The following MED26 variants were observed in gnomAD, a reference collection of about 807,000 sequenced individuals.
MED26 encodes the protein mediator complex subunit 26.
Under a neutral mutation model 43.7 loss-of-function variants are expected in MED26, and 7 were observed. That is an observed-to-expected ratio of 0.16 (90% CI 0.09 to 0.30). The LOEUF (loss-of-function observed/expected upper bound fraction) is 0.30, where lower values mean the gene tolerates loss of function less well. MED26 is among the 10% of genes least tolerant of loss of function. The pLI is 1.00. For missense variants in MED26, 784 were observed against 840.6 expected (o/e 0.93, Z 0.83); for synonymous variants, 375 against 371.1 (o/e 1.01, Z -0.12).
At chr19:16,612,875 T>C (rs2086205838) in intron 1 of MED26, among the ~76,000 whole-genome samples, 1 of 152,186 alleles carries the variant, frequency 6.6e-6, no homozygotes. Context: ...TTATGCAATG[T>C]TGTCTTGTAA....
At chr19:16,593,779 T>C (rs1190555613) in intron 1 of MED26, among the ~76,000 whole-genome samples, 1 of 152,142 alleles carries the variant, frequency 6.6e-6, no homozygotes, top group Non-Finnish European at 1.5e-5. Context: ...AAGGGTGCCA[T>C]CTCTGAGTGG....
At chr19:16,609,719 C>G (rs2086191005) in intron 1 of MED26, among the ~76,000 whole-genome samples, 1 of 151,792 alleles carries the variant, frequency 6.6e-6, no homozygotes, top group Non-Finnish European at 1.5e-5. Context: ...TATTGTATTT[C>G]AACATTACAT....
At chr19:16,609,191 T>C (rs2086187485) in intron 1 of MED26, among the ~76,000 whole-genome samples, 1 of 151,506 alleles carries the variant, frequency 6.6e-6, no homozygotes, top group Non-Finnish European at 1.5e-5. Context: ...GGTGCACACC[T>C]ATAGTCGCAG....
At chr19:16,609,085 CA>C (rs1402493127) in intron 1 of MED26, among the ~76,000 whole-genome samples, 1 of 152,040 alleles carries the variant, frequency 6.6e-6, no homozygotes, top group Non-Finnish European at 1.5e-5. Flanking sequence ...GAGGCTGAGG[CA>C]GGTGGGTCAC....
At chr19:16,617,800 C>T (rs915641066) in intron 1 of MED26, among the ~76,000 whole-genome samples, 2 of 123,096 alleles carry the variant, frequency 1.6e-5, no homozygotes, top group Non-Finnish European at 3.3e-5. Flanking sequence ...CACCAACCAT[C>T]AAGGTGAGAA....
chr19:16,594,455 C>G (rs960936813), intron 1 of MED26, among the ~76,000 whole-genome samples: 3 of 152,206 alleles, frequency 2.0e-5, no homozygotes, highest in Non-Finnish European at 4.4e-5. Context: ...CGAAACCAAC[C>G]TGAGAGGCCA....
In MED26 at chr19:16,626,906, TCA is replaced by T. The variant is rs1265056857; in HGVS notation, c.72+964_72+965del. The stretch of plus-strand genomic sequence containing the variant: ...CTCTTGGAGAAAATATGAGAATAGA[TCA>T]GTCTTCCCCCCCACCCCCCCACCCC... On this transcript the variant is annotated intron_variant, in intron 1 of 2. Transcript: ENST00000263390. Among the ~76,000 whole-genome samples the T allele has an allele frequency of 1.5e-4, 22 of 150,196 alleles. 1 individual carries two copies. Among genetic ancestry groups the T allele is most frequent in the African/African-American group, 5.2e-4 (21 of 40,714 alleles).
chr19:16,576,706 T>C lies in MED26; in HGVS notation c.1124A>G (p.Asp375Gly). 1.9e-6 allele frequency: 3 copies of C among 1,613,084 alleles called. No individual in the cohort carries two copies. In the Middle Eastern group the frequency reaches 4.9e-4, roughly 266 times the overall value. Residue 375 changes from aspartate (D) to glycine (G), a missense_variant, in exon 3 of 3, where the codon GAC becomes GGC. By Grantham distance (94) the Asp-to-Gly change is moderately conservative (BLOSUM62 -1). Around this residue, in one of 3 missense-constraint regions of MED26, gnomAD observed 719 missense variants for 730.9 expected, o/e 0.98. Coordinates refer to ENST00000263390, the MANE Select transcript of MED26 (RefSeq NM_004831.5). The surrounding 1 kb of genome is among the most constrained non-coding windows in gnomAD (Gnocchi z 6.8). Reference protein sequence around the residue: ...PLLSRAGFSPDSSKADSDAAS... With the variant: ...PLLSRAGFSPGSSKADSDAAS... ...AGCATCACTGTCCGCCTTGGAGGAG[T>C]CTGGGGAAAAGCCTGCCCGGGACAG...
At chr19:16,615,457 G>T (rs2086220973) in intron 1 of MED26, among the ~76,000 whole-genome samples, 1 of 152,080 alleles carries the variant, frequency 6.6e-6, no homozygotes, top group African/African-American at 2.4e-5. Context: ...TAAAAATTTG[G>T]GGCAGCCAGG....
intron 1 of MED26, among the ~76,000 whole-genome samples, chr19:16,579,597 CCA>C (rs1476612520): frequency 6.6e-6 from 1 of 152,184 alleles, no homozygotes; most frequent in East Asian, 1.9e-4. Context: ...AGAATTCCTA[CCA>C]CTCAACCACC....
Position 16,575,764 on chromosome 19 carries a change from T to G in MED26, c.*263A>C. ...TTTTTATAGCTGGTTTGCTATAGAG[T>G]TCTGAACTCACTTTGCCGTCCTTCC... On this transcript the variant is annotated 3_prime_UTR_variant, in exon 3 of 3. Transcript: ENST00000263390. 2.0e-6 allele frequency: 1 copy of G among 501,558 alleles called. No individual in the cohort carries two copies. The highest frequency in any genetic ancestry group is 3.6e-6 in the Non-Finnish European group (1 of 276,258). 31.1% of individuals were successfully genotyped at this position (501,558 alleles called of 1,614,324 possible).
chr19:16,625,572 A>C (rs1387050378), intron 1 of MED26, among the ~76,000 whole-genome samples: 1 of 151,004 alleles, frequency 6.6e-6, no homozygotes. Flanking sequence ...CATCTTAAAT[A>C]TGTGTCAACT....
intron 1 of MED26, chr19:16,578,665 A>C: frequency 4.3e-6 from 2 of 464,632 alleles, no homozygotes; most frequent in South Asian, 3.1e-5. Context: ...TACATGGTAC[A>C]TACCCACCCA....
intron 1 of MED26, among the ~76,000 whole-genome samples, chr19:16,606,354 C>A (rs2086173256): frequency 6.6e-6 from 1 of 152,130 alleles, no homozygotes; most frequent in South Asian, 2.1e-4. Context: ...AGTTCAAGAC[C>A]AGCCTGGCCA....
intron 1 of MED26, among the ~76,000 whole-genome samples, chr19:16,608,889 T>C (rs183640549): frequency 2.0e-5 from 3 of 152,290 alleles, no homozygotes; most frequent in East Asian, 1.9e-4. Flanking sequence ...ATAATGCAAT[T>C]AAACTTAAAA....
chr19:16,627,912 A>G lies in MED26; in HGVS notation c.32T>C (p.Ile11Thr). 6.7e-7 allele frequency: 1 copy of G among 1,500,012 alleles called. No homozygotes were observed. Among genetic ancestry groups the G allele is most frequent in the Non-Finnish European group, 8.9e-7 (1 of 1,123,220 alleles). The allele number at this position is 1,500,012 out of a possible 1,614,324, so 92.9% of individuals were successfully genotyped here. Reference sequence around the variant, plus strand: ...GATGGCCTGCAGCAGCCGGTCCCTGATCTGCTGCGGAGACGCCGGAGCCGC... The same window carrying G: ...GATGGCCTGCAGCAGCCGGTCCCTGGTCTGCTGCGGAGACGCCGGAGCCGC... MTAAPASPQQIRDRLLQAIDP... is the reference protein window; with the variant it reads MTAAPASPQQTRDRLLQAIDP... Residue 11 changes from isoleucine to threonine, a missense_variant, in exon 1 of 3, where the codon ATC becomes ACC. Coordinates refer to ENST00000263390, the MANE Select transcript of MED26 (RefSeq NM_004831.5).
At chr19:16,627,442 C>T (rs1193042552) in intron 1 of MED26, among the ~76,000 whole-genome samples, 2 of 152,184 alleles carry the variant, frequency 1.3e-5, no homozygotes, top group Non-Finnish European at 2.9e-5. Context: ...ACATGGGAGA[C>T]ATAGGTTCCC....
intron 2 of MED26, 92 bp downstream of exon 2, chr19:16,578,243 C>T: frequency 3.3e-6 from 4 of 1,202,620 alleles, no homozygotes; most frequent in South Asian, 1.2e-5. Flanking sequence ...AGCAAAGACA[C>T]TGATGCTCCC....
chr19:16,613,026 T>C (rs1020758730), intron 1 of MED26, among the ~76,000 whole-genome samples: 21 of 152,088 alleles, frequency 1.4e-4, no homozygotes, highest in African/African-American at 5.1e-4. Flanking sequence ...CTTATACATG[T>C]TTAGTACCTA....
Sources: allele counts gnomAD v4.1 joint callset (sites outside exome capture counted in the v4.1 genomes callset), GRCh38; gene constraint gnomAD v4.1.1; regional missense constraint gnomAD v4.1.1; non-coding constraint Gnocchi (gnomAD v3.1); transcripts MANE v1.5; gene names NCBI Gene and HGNC (gene_info 2026-07-23, HGNC 2026-07-21).